PTCH1: variants seen among roughly 807,000 people sequenced by gnomAD.
PTCH1 encodes the protein patched 1.
In PTCH1, 14 loss-of-function variants were observed where a neutral mutation model predicts 144.6. The ratio of observed to expected loss-of-function variants is 0.10; its 90% CI spans 0.06 to 0.15. PTCH1 has a LOEUF of 0.15. Ranked by LOEUF, PTCH1 falls within the 10% of genes least tolerant of loss-of-function variation. PTCH1 has a pLI of 1.00. For synonymous variants in PTCH1, 833 were observed against 793.6 expected, an observed-to-expected ratio of 1.05 and a Z score of -0.83; for missense variants, 1,623 against 1,948.3, an observed-to-expected ratio of 0.83 and a Z score of 3.14.
At chr9:95,489,724 A>G (rs1309147118) in intron 2 of PTCH1, among the ~76,000 whole-genome samples, 3 of 152,086 alleles carry the variant, frequency 2.0e-5, no homozygotes, top group Non-Finnish European at 4.4e-5. Flanking sequence ...TAACTATTAA[A>G]TCTAGTATCT....
rs1841148776 is a variant in PTCH1, at chr9:95,477,541, T to C, written c.1503+6A>G. ...ACGGACAGCAGATAAATGGCTCCTT[T>C]AGTACCTGAGTTGTTGCAGCGTTAA... On this transcript the variant is annotated splice_donor_region_variant and intron_variant, in intron 10 of 23. Transcript: ENST00000331920. The C allele has an allele frequency of 2.5e-6, 4 of 1,614,008 alleles. No homozygotes were observed. The highest frequency in any genetic ancestry group is 2.5e-6 in the Non-Finnish European group (3 of 1,180,028).
intron 1 of PTCH1, among the ~76,000 whole-genome samples, chr9:95,515,961 C>A (rs1409557405): frequency 3.9e-5 from 6 of 152,108 alleles, no homozygotes; most frequent in South Asian, 2.1e-4. Context: ...CGCGAGCTGG[C>A]GGCAGCGGCT....
At chr9:95,453,418 C>T in intron 20 of PTCH1, 60 bp downstream of exon 20, 15 of 1,609,290 alleles carry the variant, frequency 9.3e-6, no homozygotes, top group Non-Finnish European at 1.1e-5. Context: ...GCGTGAGCCA[C>T]TGCACCCGGC....
intron 2 of PTCH1, among the ~76,000 whole-genome samples, chr9:95,500,465 C>T (rs1157869212): frequency 6.6e-6 from 1 of 152,184 alleles, no homozygotes; most frequent in African/African-American, 2.4e-5. Flanking sequence ...ACATATTCTC[C>T]CTTCTAAACC....
At chr9:95,505,382 G>A (rs1471125250) in intron 2 of PTCH1, among the ~76,000 whole-genome samples, 1 of 152,144 alleles carries the variant, frequency 6.6e-6, no homozygotes, top group Non-Finnish European at 1.5e-5. Context: ...GGTGTTTAGG[G>A]TTAAAGTGTT....
chr9:95,480,401 T>A lies in PTCH1; in HGVS notation c.934A>T (p.Asn312Tyr). 1 of 1,610,054 alleles carries A rather than the reference T, an allele frequency of 6.2e-7. No homozygotes were observed. Among genetic ancestry groups the A allele is most frequent in the Non-Finnish European group, 8.5e-7 (1 of 1,179,434 alleles). The change falls in exon 6 of 24, where the codon AAT (asparagine) becomes TAT (tyrosine). Residue 312 changes from asparagine to tyrosine, a missense_variant. This residue lies in a region of PTCH1 where 230 missense variants were observed against 271.0 expected (regional missense o/e 0.85). Transcript: ENST00000331920. ...CTGCTGGTACTCACTTTGGTTGAAT[T>A]TTTGTTGGGGGCTGTGGCGGGGCAG... ...PDCPATAPNKNSTKPLDMALV... is the reference protein window; with the variant it reads ...PDCPATAPNKYSTKPLDMALV...
intron 1 of PTCH1, chr9:95,507,224 C>T (rs1175703582): frequency 1.0e-6 from 1 of 985,434 alleles, no homozygotes; most frequent in Non-Finnish European, 1.2e-6. Flanking sequence ...CCAGCTGCAA[C>T]TTACGACAAT....
intron 2 of PTCH1, 81 bp from the exon 3 acceptor site, chr9:95,485,955 TA>T: frequency 6.8e-7 from 1 of 1,472,344 alleles, no homozygotes; most frequent in Non-Finnish European, 9.5e-7. Flanking sequence ...CTACCTGCCA[TA>T]GGATACACAA....
At position 95,445,825 on chromosome 9, in the gene PTCH1, C is replaced by A. The variant is rs1004773647; in HGVS notation, c.*568G>T. 1.3e-5 allele frequency: 2 copies of A among 155,940 alleles called. No homozygotes were observed. Among genetic ancestry groups the A allele is most frequent in the African/African-American group, 4.8e-5 (2 of 41,466 alleles). 9.7% of individuals were successfully genotyped at this position (155,940 alleles called of 1,614,324 possible). ...CGCACACAACGACACCTAGAGAAGCCACCAGGATTAACGTGCTTTCTTCAT... is the reference window on the plus strand; with the variant it reads ...CGCACACAACGACACCTAGAGAAGCAACCAGGATTAACGTGCTTTCTTCAT... On this transcript the variant is annotated 3_prime_UTR_variant, in exon 24 of 24. Coordinates refer to ENST00000331920, the MANE Select transcript of PTCH1 (RefSeq NM_000264.5).
Position 95,476,046 on chromosome 9 carries a change from C to T in PTCH1, c.1716G>A (p.Ala572=), listed in dbSNP as rs55844310. The T allele has an allele frequency of 3.7e-5, 59 of 1,613,880 alleles. No homozygotes were observed. In the East Asian group the frequency reaches 7.1e-4, roughly 20 times the overall value. ...AALIPIPALR[A]FSLQAAVVVV... The stretch of plus-strand genomic sequence containing the variant: ...ACCAGAAGCTCACCTGGAGGGAGAA[C>T]GCCCGCAGAGCGGGAATTGGGATTA... The change falls in exon 12 of 24, where the codon GCG becomes GCA. Residue 572 remains alanine (A), a synonymous_variant. Coordinates refer to ENST00000331920, the MANE Select transcript of PTCH1 (RefSeq NM_000264.5). The surrounding 1 kb of genome is among the most constrained non-coding windows in gnomAD (Gnocchi z 4.6).
At chr9:95,515,904 G>C (rs1470608943) in intron 1 of PTCH1, among the ~76,000 whole-genome samples, 1 of 152,062 alleles carries the variant, frequency 6.6e-6, no homozygotes, top group Non-Finnish European at 1.5e-5. Context: ...CTCGAGAGCG[G>C]GTCTGCGGGG....
At chr9:95,487,316 T>C (rs548597703) in intron 2 of PTCH1, among the ~76,000 whole-genome samples, 4 of 152,288 alleles carry the variant, frequency 2.6e-5, no homozygotes, top group Middle Eastern at 3.4e-3. Flanking sequence ...TAAAAAGGAA[T>C]AAGACTTCTG....
At chr9:95,467,938 ACT>A (rs1840167308) in intron 14 of PTCH1, among the ~76,000 whole-genome samples, 1 of 149,954 alleles carries the variant, frequency 6.7e-6, no homozygotes, top group African/African-American at 2.5e-5. Flanking sequence ...TTGGGATCTC[ACT>A]CTGTCTCCCA....
intron 16 of PTCH1, among the ~76,000 whole-genome samples, chr9:95,460,936 A>G (rs973514909): frequency 2.6e-5 from 4 of 152,316 alleles, no homozygotes; most frequent in African/African-American, 7.2e-5. Flanking sequence ...TTCACACTCC[A>G]TAACAACTCT....
At chr9:95,493,801 C>CA (rs373669113) in intron 2 of PTCH1, among the ~76,000 whole-genome samples, 6,542 of 146,462 alleles carry the variant, frequency 0.045, 402 homozygotes, top group African/African-American at 0.15. Flanking sequence ...AATCGAAAAA[C>CA]AAAAAAAAAA....
Position 95,444,168 on chromosome 9 carries a change from TAA to T in PTCH1, c.*2223_*2224del, listed in dbSNP as rs1299734975. 6.6e-6 allele frequency: 1 copy of T among 151,588 alleles called. No individual in the cohort carries two copies. The highest frequency in any genetic ancestry group is 2.4e-5 in the African/African-American group (1 of 41,114). 9.4% of individuals were successfully genotyped at this position (151,588 alleles called of 1,614,324 possible). On this transcript the variant is annotated 3_prime_UTR_variant, in exon 24 of 24. Transcript: ENST00000331920. ...AACAGGACAGACAAAATAAAACTAT[TAA>T]AAGAGAGAGAGAAATTCTAATTCCC...
intron 18 of PTCH1, among the ~76,000 whole-genome samples, chr9:95,456,656 T>C (rs1402849226): frequency 6.6e-6 from 1 of 152,160 alleles, no homozygotes; most frequent in Non-Finnish European, 1.5e-5. Flanking sequence ...TGCAAATTAT[T>C]TTCCAATGTA....
At chr9:95,497,922 C>T (rs1186274228) in intron 2 of PTCH1, among the ~76,000 whole-genome samples, 1 of 143,744 alleles carries the variant, frequency 7.0e-6, no homozygotes, top group African/African-American at 2.6e-5. Flanking sequence ...CTCTCAATCT[C>T]GCACTCTTCT....
At chr9:95,454,330 C>T (rs1327817915) in intron 19 of PTCH1, among the ~76,000 whole-genome samples, 1 of 152,198 alleles carries the variant, frequency 6.6e-6, no homozygotes, top group Non-Finnish European at 1.5e-5. Flanking sequence ...GAACCTGGCA[C>T]AAGTTCTCTC....
Sources: gnomAD v4.1 joint callset for allele counts (sites outside exome capture counted in the v4.1 genomes callset) on GRCh38, gnomAD v4.1.1 for gene constraint, gnomAD v4.1.1 regional missense constraint, Gnocchi (gnomAD v3.1) non-coding constraint, MANE v1.5 for transcripts, NCBI Gene and HGNC (gene_info 2026-07-23, HGNC 2026-07-21) for gene names.